Variants in NLN observed in about 807,000 individuals in gnomAD.
The protein encoded by NLN is neurolysin.
NLN carries 64 observed loss-of-function variants against 79.9 expected under a neutral mutation model. The ratio of observed to expected loss-of-function variants is 0.80; its 90% CI spans 0.65 to 0.99. The LOEUF (loss-of-function observed/expected upper bound fraction) is 0.99, where lower values mean the gene tolerates loss of function less well. Ranked by LOEUF, NLN falls within the 50% of genes least tolerant of loss-of-function variation. NLN has a pLI of 0.00. For synonymous variants in NLN, 267 were observed against 296.6 expected (o/e 0.90, Z 1.02); for missense variants, 835 against 858.7 (o/e 0.97, Z 0.34).
chr5:65,790,504 G>A (rs1202075894), intron 8 of NLN, among the ~76,000 whole-genome samples: 1 of 152,176 alleles, frequency 6.6e-6, no homozygotes, highest in African/African-American at 2.4e-5. Flanking sequence ...GGCAGGAAGG[G>A]GAAGTGCCAA....
intron 1 of NLN, among the ~76,000 whole-genome samples, chr5:65,731,736 C>T (rs1475531462): frequency 1.8e-5 from 2 of 111,370 alleles, no homozygotes; most frequent in East Asian, 2.6e-4. Flanking sequence ...AAATCACCTA[C>T]ATTTTCTTTT....
At chr5:65,792,720 G>C (rs772460421) in intron 9 of NLN, 65 bp downstream of exon 9, 4 of 1,287,268 alleles carry the variant, frequency 3.1e-6, no homozygotes, top group East Asian at 2.3e-5. Flanking sequence ...CTTGACTGCT[G>C]TCAGGTTTCT....
At chr5:65,799,258 AAAAG>A (rs1433066285) in intron 9 of NLN, among the ~76,000 whole-genome samples, 8 of 152,230 alleles carry the variant, frequency 5.3e-5, no homozygotes, top group African/African-American at 1.7e-4. Context: ...GATGGGGTTC[AAAAG>A]AAAGAAAAGT....
chr5:65,792,750 A>C (rs1760095682), intron 9 of NLN, 95 bp downstream of exon 9: 7 of 1,075,504 alleles, frequency 6.5e-6, no homozygotes, highest in East Asian at 4.7e-5. Context: ...AGGTTTTTTC[A>C]GAAGCTGAAT....
At chr5:65,779,777 C>T (rs1215135401) in intron 4 of NLN, among the ~76,000 whole-genome samples, 4 of 152,208 alleles carry the variant, frequency 2.6e-5, no homozygotes, top group Non-Finnish European at 5.9e-5. Flanking sequence ...CACAGATACA[C>T]GTGGACATGA....
intron 3 of NLN, among the ~76,000 whole-genome samples, chr5:65,771,564 A>T (rs1041976228): frequency 6.6e-6 from 1 of 152,182 alleles, no homozygotes; most frequent in African/African-American, 2.4e-5. Flanking sequence ...GCAGGCTTTG[A>T]TCTTGCCAAT....
chr5:65,765,638 G>T (rs573806001), intron 3 of NLN, among the ~76,000 whole-genome samples: 65 of 152,194 alleles, frequency 4.3e-4, no homozygotes, highest in Non-Finnish European at 7.8e-4. Flanking sequence ...GTGCCCAGGA[G>T]GTTGAGACTG....
rs1758797553 is a variant in NLN at position 65,738,931 on chromosome 5, T to TATATAA, written c.41+16522_41+16523insAATATA. On this transcript the variant is annotated intron_variant, in intron 1 of 12. Transcript: ENST00000380985. ...GCCACCTATGATATATATGTGTGTA[T>TATATAA]ATATATTTTTTATATATGTTTATAT... Among the ~76,000 whole-genome samples the TATATAA allele has an allele frequency of 2.7e-3, 267 of 99,126 alleles. 1 individual carries two copies. The highest frequency in any genetic ancestry group is 9.1e-3 in the African/African-American group (250 of 27,480). 65.0% of individuals were successfully genotyped at this position (99,126 alleles called of 152,430 possible).
At chr5:65,739,047 T>A (rs1276584926) in intron 1 of NLN, among the ~76,000 whole-genome samples, 3 of 139,740 alleles carry the variant, frequency 2.1e-5, no homozygotes, top group East Asian at 2.0e-4. Context: ...ATATAAAAAA[T>A]ATATATAAAT....
intron 5 of NLN, among the ~76,000 whole-genome samples, chr5:65,780,682 T>G (rs1759781926): frequency 6.6e-6 from 1 of 152,200 alleles, no homozygotes; most frequent in South Asian, 2.1e-4. Flanking sequence ...TTTCTTTTCT[T>G]TTCTTTTTTT....
chr5:65,762,299 T>C (rs1002178320), intron 2 of NLN, among the ~76,000 whole-genome samples: 2 of 152,144 alleles, frequency 1.3e-5, no homozygotes, highest in Non-Finnish European at 2.9e-5. Context: ...TATGGAGTCT[T>C]TATCTTTTTA....
chr5:65,820,952 G>A (rs1239102101), intron 12 of NLN, among the ~76,000 whole-genome samples: 3 of 5,882 alleles, frequency 5.1e-4, no homozygotes, highest in African/African-American at 2.1e-3. Context: ...TGAGGCATAA[G>A]AATCACTTGA....
rs370333728 is a variant in NLN, at chr5:65,754,882, G to A, written c.42-3685G>A. On this transcript the variant is annotated intron_variant, in intron 1 of 12. Transcript: ENST00000380985. ...CTGAGAGTTCCTTCTTCAGATACTC[G>A]GGTTCCTGGTTCAGTCTTCCTTTCT... Among the ~76,000 whole-genome samples the A allele has an allele frequency of 2.4e-4, 37 of 152,142 alleles. 1 individual carries two copies. The highest frequency in any genetic ancestry group is 8.0e-4 in the African/African-American group (33 of 41,506).
chr5:65,781,525 G>A (rs1421045406), intron 6 of NLN, 104 bp downstream of exon 6: 14 of 802,334 alleles, frequency 1.7e-5, no homozygotes, highest in South Asian at 1.5e-4. Context: ...TGATATTCCT[G>A]TGTGTGCACT....
intron 1 of NLN, among the ~76,000 whole-genome samples, chr5:65,726,736 A>G (rs932749175): frequency 6.6e-6 from 1 of 152,236 alleles, no homozygotes; most frequent in Non-Finnish European, 1.5e-5. Flanking sequence ...ACATAAGGGC[A>G]TATCTTACAG....
At chr5:65,818,241 A>G (rs1157423507) in intron 12 of NLN, among the ~76,000 whole-genome samples, 4 of 152,170 alleles carry the variant, frequency 2.6e-5, no homozygotes, top group Non-Finnish European at 5.9e-5. Context: ...ATCTTCCCTG[A>G]TAGATCATAA....
At chr5:65,730,927 C>T (rs1308522033) in intron 1 of NLN, among the ~76,000 whole-genome samples, 1 of 152,194 alleles carries the variant, frequency 6.6e-6, no homozygotes, top group Non-Finnish European at 1.5e-5. Context: ...CCTATTACCA[C>T]AAAAATGCTG....
chr5:65,818,393 C>G (rs184407145), intron 12 of NLN, among the ~76,000 whole-genome samples: 6 of 152,152 alleles, frequency 3.9e-5, no homozygotes, highest in African/African-American at 1.2e-4. Flanking sequence ...CTCTACCCCC[C>G]CATACATACT....
chr5:65,780,839 A>T (rs1378816801), intron 5 of NLN, among the ~76,000 whole-genome samples: 1 of 152,110 alleles, frequency 6.6e-6, no homozygotes, highest in African/African-American at 2.4e-5. Context: ...ACGCCCAGCT[A>T]ATTTTTGTAC....
Sources: gnomAD v4.1 joint callset for allele counts (sites outside exome capture counted in the v4.1 genomes callset) on GRCh38, gnomAD v4.1.1 for gene constraint, MANE v1.5 for transcripts, NCBI Gene and HGNC (gene_info 2026-07-23, HGNC 2026-07-21) for gene names.